ANO1: variants seen among roughly 807,000 people sequenced by gnomAD.
The protein encoded by ANO1 is anoctamin 1, also known as anoctamin-1.
A neutral mutation model predicts 124.0 loss-of-function variants in ANO1; 59 were observed. The ratio of observed to expected loss-of-function variants is 0.48; its 90% confidence interval spans 0.39 to 0.59. The LOEUF (loss-of-function observed/expected upper bound fraction) is 0.59. ANO1 is among the 20% of genes least tolerant of loss of function. The pLI, the probability that ANO1 is intolerant of heterozygous loss-of-function variation, is 0.00. For missense variants in ANO1, 1,059 were observed against 1,328.0 expected, an observed-to-expected ratio of 0.80 and a Z score of 3.15; for synonymous variants, 529 against 532.0, an observed-to-expected ratio of 0.99 and a Z score of 0.08.
chr11:70,070,757 G>A lies in ANO1; in HGVS notation c.59-7785G>A, dbSNP rs551810395. 5.3e-5 allele frequency among the ~76,000 whole-genome samples: 8 copies of A among 152,350 alleles called. No homozygotes were observed. The South Asian group carries it at 1.7e-3, about 32-fold the overall frequency. ...CCAATGGGCGAGTGAGCAGGTGGAT[G>A]AGTGGACAAACACTTGAGCGAATGA... is the stretch of plus-strand genomic sequence containing the variant. On this transcript the variant is annotated intron_variant, in intron 1 of 27. Transcript: ENST00000531349.
chr11:69,967,555 G>A, the ANO1 span, among the ~76,000 whole-genome samples: 1 of 152,242 alleles, frequency 6.6e-6, no homozygotes, highest in Non-Finnish European at 1.5e-5. Flanking sequence ...CAGTAAGCGG[G>A]GCTGATAATG....
intron 20 of ANO1, 71 bp downstream of exon 20, chr11:70,165,641 G>C: frequency 7.6e-7 from 1 of 1,317,124 alleles, no homozygotes; most frequent in Non-Finnish European, 1.1e-6. Context: ...TGGCTCCTGC[G>C]GGGGTCTGGG....
chr11:70,108,437 T>A, intron 6 of ANO1, 33 bp downstream of exon 6: 1 of 1,605,694 alleles, frequency 6.2e-7, no homozygotes, highest in Non-Finnish European at 8.5e-7. Context: ...AGATCAGCAT[T>A]GGTTTCCAAG....
intron 22 of ANO1, among the ~76,000 whole-genome samples, chr11:70,177,595 T>TTTTTTTTTTTTTTC (rs2048762760): frequency 8.6e-4 from 7 of 8,162 alleles, no homozygotes; most frequent in African/African-American, 2.9e-3. Flanking sequence ...TTTTTTTTTC[T>TTTTTTTTTTTTTTC]TTTTTTTTTT....
chr11:70,158,236 T>A (rs1245166739), intron 16 of ANO1, among the ~76,000 whole-genome samples: 1 of 152,234 alleles, frequency 6.6e-6, no homozygotes, highest in Admixed American at 6.5e-5. Flanking sequence ...CAACCCCCAA[T>A]GGATTCGGCC....
chr11:70,171,112 C>T, intron 22 of ANO1, 73 bp downstream of exon 22: 1 of 1,536,580 alleles, frequency 6.5e-7, no homozygotes, highest in Non-Finnish European at 8.8e-7. Flanking sequence ...TGCTCCTCTC[C>T]AGAAGCTAGA....
intron 22 of ANO1, among the ~76,000 whole-genome samples, chr11:70,174,756 C>G (rs1395756084): frequency 6.6e-6 from 1 of 152,086 alleles, no homozygotes; most frequent in East Asian, 1.9e-4. Context: ...GAGGGTTTGC[C>G]TCTGAAAACC....
At chr11:70,044,949 T>C (rs1357727719) in intron 1 of ANO1, among the ~76,000 whole-genome samples, 6 of 152,214 alleles carry the variant, frequency 3.9e-5, no homozygotes, top group African/African-American at 1.4e-4. Flanking sequence ...GATTACAGTA[T>C]TGCAATGTCT....
At chr11:70,085,979 G>A (rs138299778) in intron 1 of ANO1, among the ~76,000 whole-genome samples, 11 of 152,366 alleles carry the variant, frequency 7.2e-5, no homozygotes, top group South Asian at 2.1e-4. Flanking sequence ...CCAGGCCAGC[G>A]AGGCCCAAGC....
chr11:70,177,810 G>A (rs976961719), intron 22 of ANO1, among the ~76,000 whole-genome samples: 6 of 152,194 alleles, frequency 3.9e-5, no homozygotes, highest in Non-Finnish European at 7.4e-5. Flanking sequence ...TGTTGGCCAG[G>A]CTGATCTCGA....
rs782723739 is a variant in ANO1, at chr11:70,025,833, GTGA to G, written c.58+39679_58+39681del. ...GATGATGGTGATGATGATGGTGGTG[GTGA>G]TGATGATGATGGTGGTGGTGATGGT... On this transcript the variant is annotated intron_variant, in intron 1 of 27. Transcript: ENST00000531349. 3.0e-3 allele frequency among the ~76,000 whole-genome samples: 306 copies of G among 103,578 alleles called. 12 individuals carry two copies. Among genetic ancestry groups the G allele is most frequent in the African/African-American group, 8.8e-3 (218 of 24,894 alleles). 68.0% of individuals were successfully genotyped at this position (103,578 alleles called of 152,430 possible).
intron 11 of ANO1, among the ~76,000 whole-genome samples, chr11:70,148,190 C>T (rs2047455792): frequency 6.6e-6 from 1 of 152,182 alleles, no homozygotes; most frequent in Non-Finnish European, 1.5e-5. Flanking sequence ...TGCACGGTCA[C>T]CGTCGCACAG....
At chr11:69,999,157 G>T (rs1369254781) in intron 1 of ANO1, among the ~76,000 whole-genome samples, 1 of 152,180 alleles carries the variant, frequency 6.6e-6, no homozygotes, top group Non-Finnish European at 1.5e-5. Flanking sequence ...AAGCATGGCG[G>T]CATCTGCTCA....
Position 70,131,906 on chromosome 11 carries a change from C to G in ANO1, c.1098-13C>G. The G allele has an allele frequency of 1.9e-6, 3 of 1,600,734 alleles. No homozygotes were observed. The highest frequency in any genetic ancestry group is 2.5e-6 in the Non-Finnish European group (3 of 1,178,144). On this transcript the variant is annotated splice_polypyrimidine_tract_variant and intron_variant, in intron 10 of 25. Coordinates refer to ENST00000355303, the MANE Select transcript of ANO1 (RefSeq NM_018043.7). ...CCAACAAGGTGACTCCAGGGCTGCC[C>G]CCTCTCTTGCAGCATGGAGATGTGT...
intron 1 of ANO1, 49 bp downstream of exon 1, chr11:70,078,763 CT>C (rs761190999): frequency 1.3e-5 from 17 of 1,296,590 alleles, no homozygotes; most frequent in Non-Finnish European, 1.6e-5. Context: ...GCACCTGCGC[CT>C]TGGCGAGGGC....
At chr11:70,152,419 T>G (rs1329033682) in intron 12 of ANO1, 31 bp from the exon 13 acceptor site, 1 of 1,607,480 alleles carries the variant, frequency 6.2e-7, no homozygotes, top group African/African-American at 1.3e-5. Context: ...CATCTTTGTG[T>G]TTTTGTTTTT....
intron 1 of ANO1, among the ~76,000 whole-genome samples, chr11:70,020,602 A>G (rs1856785463): frequency 6.6e-6 from 1 of 151,606 alleles, no homozygotes; most frequent in South Asian, 2.1e-4. Flanking sequence ...CTCCCTACCA[A>G]CCCCAAGAAC....
chr11:70,076,383 A>G (rs2044057173), upstream of ANO1, among the ~76,000 whole-genome samples: 1 of 151,480 alleles, frequency 6.6e-6, no homozygotes, highest in Non-Finnish European at 1.5e-5. Flanking sequence ...TCACTTCCCA[A>G]ACCTTTGGGA....
At chr11:70,109,287 G>A (rs2045678076) in intron 6 of ANO1, among the ~76,000 whole-genome samples, 1 of 152,196 alleles carries the variant, frequency 6.6e-6, no homozygotes, top group Non-Finnish European at 1.5e-5. Flanking sequence ...GTAAAATGAA[G>A]AGCAGTGGGA....
Sources: gnomAD v4.1 joint callset for allele counts (sites outside exome capture counted in the v4.1 genomes callset) on GRCh38, gnomAD v4.1.1 for gene constraint, MANE v1.5 for transcripts, NCBI Gene and HGNC (gene_info 2026-07-23, HGNC 2026-07-21) for gene names.